WWTR1: variants seen among roughly 807,000 people sequenced by gnomAD.
WWTR1 encodes the protein WW domain-containing transcription regulator protein 1.
In WWTR1, 13 loss-of-function variants were observed where a neutral mutation model predicts 40.1. The observed-to-expected ratio is 0.32, with a 90% CI of 0.21 to 0.52. WWTR1 has a LOEUF of 0.52. WWTR1 is among the 20% of genes least tolerant of loss of function. The probability of loss-of-function intolerance (pLI) is 0.97; values close to 1 mark genes in which losing one functional copy is unlikely to be tolerated. For synonymous variants in WWTR1, 230 were observed against 210.1 expected, an observed-to-expected ratio of 1.09 and a Z score of -0.82; for missense variants, 436 against 523.1, an observed-to-expected ratio of 0.83 and a Z score of 1.63.
intron 4 of WWTR1, among the ~76,000 whole-genome samples, chr3:149,536,681 C>T (rs578110562): frequency 1.3e-5 from 2 of 151,574 alleles, no homozygotes; most frequent in South Asian, 4.2e-4. Flanking sequence ...CCTGTTGCCC[C>T]GGCGACCCGA....
intron 5 of WWTR1, among the ~76,000 whole-genome samples, chr3:149,715,066 A>G (rs1205266042): frequency 2.0e-5 from 3 of 152,134 alleles, no homozygotes; most frequent in Admixed American, 1.3e-4. Context: ...CCTCTGAGCT[A>G]TTCTGTTTCT....
chr3:149,596,220 G>T (rs947010026), intron 2 of WWTR1, among the ~76,000 whole-genome samples: 1 of 152,184 alleles, frequency 6.6e-6, no homozygotes, highest in Non-Finnish European at 1.5e-5. Flanking sequence ...AAGAGAAGTA[G>T]TGAAGTCTGT....
rs1441225047 is a variant in WWTR1, at chr3:149,594,957, T to C, written c.432-21957A>G. ...CCTATAACCTCTTTTTTACTTTTTTTTTTTTTTTTTTTTTTTTTTTTTTGA... is the reference window on the plus strand; with the variant it reads ...CCTATAACCTCTTTTTTACTTTTTTCTTTTTTTTTTTTTTTTTTTTTTTGA... On this transcript the variant is annotated intron_variant, in intron 2 of 6. Transcript: ENST00000360632. 1.6e-4 allele frequency among the ~76,000 whole-genome samples: 18 copies of C among 115,808 alleles called. 1 individual carries two copies. Among genetic ancestry groups the C allele is most frequent in the East Asian group, 6.9e-4 (3 of 4,332 alleles). The allele number at this position is 115,808 out of a possible 152,430, so 76.0% of individuals were successfully genotyped here.
At chr3:149,575,892 G>A (rs866540278) in intron 2 of WWTR1, 2 of 445,726 alleles carry the variant, frequency 4.5e-6, no homozygotes, top group African/African-American at 2.0e-5. Flanking sequence ...AGTTCTGACC[G>A]AGCTTACCCA....
chr3:149,714,908 A>G (rs1051014942), intron 5 of WWTR1, among the ~76,000 whole-genome samples: 1 of 152,068 alleles, frequency 6.6e-6, no homozygotes, highest in Admixed American at 6.5e-5. Context: ...TGGAGAGAGG[A>G]CAGGGAGACA....
intron 2 of WWTR1, among the ~76,000 whole-genome samples, chr3:149,655,611 C>G (rs1016000498): frequency 6.6e-6 from 1 of 152,190 alleles, no homozygotes; most frequent in Non-Finnish European, 1.5e-5. Context: ...AAGTCTGTTT[C>G]AGAATCTCAG....
intron 3 of WWTR1, among the ~76,000 whole-genome samples, chr3:149,556,912 T>C (rs1014120558): frequency 2.0e-5 from 3 of 152,148 alleles, no homozygotes; most frequent in East Asian, 3.8e-4. Flanking sequence ...CTAAATGTTA[T>C]CCTTGAATCA....
intron 2 of WWTR1, among the ~76,000 whole-genome samples, chr3:149,616,022 C>T (rs551661580): frequency 2.6e-5 from 4 of 152,248 alleles, no homozygotes; most frequent in African/African-American, 9.6e-5. Context: ...AAAGAGGAAA[C>T]GTCCCTGAGT....
chr3:149,521,058 T>C, intron 6 of WWTR1, 69 bp from the exon 7 acceptor site: 2 of 1,476,924 alleles, frequency 1.4e-6, no homozygotes, highest in Non-Finnish European at 1.8e-6. Context: ...ACAGTTCAAG[T>C]ATTTACATAA....
chr3:149,529,809 C>G (rs927391644), intron 4 of WWTR1, among the ~76,000 whole-genome samples: 1 of 152,096 alleles, frequency 6.6e-6, no homozygotes, highest in Non-Finnish European at 1.5e-5. Context: ...CACCCTGAGC[C>G]ACAGTTTGAA....
chr3:149,660,641 G>A (rs1158069480), upstream of WWTR1, among the ~76,000 whole-genome samples: 1 of 152,240 alleles, frequency 6.6e-6, no homozygotes, highest in African/African-American at 2.4e-5. Context: ...CAGTGGATAA[G>A]TGTATAATTT....
At chr3:149,521,517 C>T (rs1180579925) in intron 6 of WWTR1, among the ~76,000 whole-genome samples, 2 of 152,220 alleles carry the variant, frequency 1.3e-5, no homozygotes, top group Non-Finnish European at 2.9e-5. Flanking sequence ...CTACAACTAT[C>T]TGCCTTTCTC....
At chr3:149,697,566 G>A (rs994963403) in intron 1 of WWTR1, among the ~76,000 whole-genome samples, 3 of 151,952 alleles carry the variant, frequency 2.0e-5, no homozygotes, top group South Asian at 2.1e-4. Context: ...CACCAACACC[G>A]GAGATTACAT....
intron 2 of WWTR1, among the ~76,000 whole-genome samples, chr3:149,639,126 A>G (rs1301951033): frequency 2.0e-5 from 3 of 152,214 alleles, no homozygotes; most frequent in Admixed American, 6.5e-5. Flanking sequence ...ATGGTCTACA[A>G]AGACTGCTCT....
At chr3:149,522,064 A>G (rs1167200752) in intron 6 of WWTR1, among the ~76,000 whole-genome samples, 1 of 152,240 alleles carries the variant, frequency 6.6e-6, no homozygotes, top group African/African-American at 2.4e-5. Flanking sequence ...CACAATATCA[A>G]AACAACAGGT....
intron 2 of WWTR1, among the ~76,000 whole-genome samples, chr3:149,578,171 GTGGGCTCT>G (rs1737977938): frequency 1.3e-5 from 2 of 152,246 alleles, no homozygotes; most frequent in Admixed American, 6.5e-5. Context: ...GCCAGACTCT[GTGGGCTCT>G]GCAAAGACCA....
chr3:149,675,385 AGGGTGATGCCTAGATCTCT>A (rs1205734849), intron 1 of WWTR1, among the ~76,000 whole-genome samples: 1 of 152,216 alleles, frequency 6.6e-6, no homozygotes, highest in Non-Finnish European at 1.5e-5. Context: ...TGGAGTATCT[AGGGTGATGCCTAGATCTCT>A]GGCAGCCATT....
intron 5 of WWTR1, among the ~76,000 whole-genome samples, chr3:149,527,440 C>G (rs1430283050): frequency 2.0e-5 from 3 of 152,180 alleles, no homozygotes; most frequent in Non-Finnish European, 4.4e-5. Context: ...AGCCACCATG[C>G]CTGGCCGAAC....
At chr3:149,608,459 C>T (rs984620207) in intron 2 of WWTR1, among the ~76,000 whole-genome samples, 1 of 151,664 alleles carries the variant, frequency 6.6e-6, no homozygotes, top group Non-Finnish European at 1.5e-5. Context: ...GATCTTGGCT[C>T]ACTGCAACCT....
Sources: gnomAD v4.1 joint callset for allele counts (sites outside exome capture counted in the v4.1 genomes callset) on GRCh38, gnomAD v4.1.1 for gene constraint, MANE v1.5 for transcripts, NCBI Gene and HGNC (gene_info 2026-07-23, HGNC 2026-07-21) for gene names.